The following NBAS variants were observed in gnomAD, a reference collection of about 807,000 sequenced individuals.
NBAS encodes the protein NBAS subunit of NRZ tethering complex.
NBAS carries 219 observed loss-of-function variants against 302.5 expected under a neutral mutation model. The observed-to-expected ratio is 0.72, with a 90% confidence interval of 0.65 to 0.81. The LOEUF (loss-of-function observed/expected upper bound fraction) is 0.81, where lower values mean the gene tolerates loss of function less well. Among genes scored for constraint, NBAS ranks in the 30% least tolerant of loss-of-function variants. The pLI, the probability that NBAS is intolerant of heterozygous loss-of-function variation, is 0.00. For missense variants in NBAS, 2,932 were observed against 2,841.6 expected, an observed-to-expected ratio of 1.03 and a Z score of -0.72; for synonymous variants, 1,118 against 1,021.6, an observed-to-expected ratio of 1.09 and a Z score of -1.80.
chr2:14,778,916 A>G, the NBAS span, among the ~76,000 whole-genome samples: 2 of 152,212 alleles, frequency 1.3e-5, no homozygotes, highest in Non-Finnish European at 2.9e-5. Context: ...TAATTTGTAC[A>G]GTGCTTTTTA....
the NBAS span, among the ~76,000 whole-genome samples, chr2:14,940,578 T>A: frequency 1.3e-5 from 2 of 152,206 alleles, no homozygotes; most frequent in Non-Finnish European, 2.9e-5. Flanking sequence ...CACAGCAGAA[T>A]CGTAAACTCT....
intron 9 of NBAS, among the ~76,000 whole-genome samples, chr2:15,519,032 ATTACTC>A (rs968360552): frequency 6.6e-6 from 1 of 152,192 alleles, no homozygotes; most frequent in African/African-American, 2.4e-5. Flanking sequence ...GCCAAGCCAT[ATTACTC>A]TTCAACCTCA....
At chr2:15,406,133 A>AG (rs1177237827) in intron 25 of NBAS, among the ~76,000 whole-genome samples, 1 of 149,882 alleles carries the variant, frequency 6.7e-6, no homozygotes, top group Non-Finnish European at 1.5e-5. Context: ...AAAAAACATG[A>AG]GGAAAAAAAC....
At chr2:14,820,513 C>A in the NBAS span, among the ~76,000 whole-genome samples, 1 of 152,040 alleles carries the variant, frequency 6.6e-6, no homozygotes, top group African/African-American at 2.4e-5. Context: ...TAACCAGAGG[C>A]TGGAAAGTGT....
the NBAS span, among the ~76,000 whole-genome samples, chr2:15,052,729 A>G: frequency 2.0e-5 from 3 of 152,248 alleles, no homozygotes; most frequent in African/African-American, 7.2e-5. Context: ...TTTTGCTCTG[A>G]TAAGTTGCAT....
At chr2:14,810,477 C>T in the NBAS span, among the ~76,000 whole-genome samples, 1 of 152,196 alleles carries the variant, frequency 6.6e-6, no homozygotes, top group African/African-American at 2.4e-5. Context: ...ATTTGCTCTT[C>T]CTTGCCTTCC....
the NBAS span, among the ~76,000 whole-genome samples, chr2:15,096,642 C>G: frequency 6.6e-6 from 1 of 152,146 alleles, no homozygotes; most frequent in Non-Finnish European, 1.5e-5. Flanking sequence ...CACCCACAGA[C>G]AGGGAGGTGC....
intron 28 of NBAS, among the ~76,000 whole-genome samples, chr2:15,392,980 C>A (rs148713009): frequency 5.3e-5 from 8 of 151,936 alleles, no homozygotes; most frequent in Non-Finnish European, 1.0e-4. Flanking sequence ...CAACAGATTT[C>A]AAGAAAACTG....
chr2:14,828,181 A>G, the NBAS span, among the ~76,000 whole-genome samples: 1 of 152,142 alleles, frequency 6.6e-6, no homozygotes, highest in Non-Finnish European at 1.5e-5. Context: ...ACCTTCTAGA[A>G]AAAAAATAGA....
the NBAS span, among the ~76,000 whole-genome samples, chr2:14,806,004 AC>A: frequency 6.6e-6 from 1 of 152,150 alleles, no homozygotes; most frequent in South Asian, 2.1e-4. Context: ...TGTCTTATAC[AC>A]CCTCCACTTC....
the NBAS span, among the ~76,000 whole-genome samples, chr2:14,984,733 C>T: frequency 1.3e-5 from 2 of 152,120 alleles, no homozygotes; most frequent in Admixed American, 6.5e-5. Flanking sequence ...AGAGTTAATT[C>T]GAGTTGGTCA....
intron 9 of NBAS, among the ~76,000 whole-genome samples, chr2:15,515,865 G>C (rs545506406): frequency 6.6e-6 from 1 of 152,288 alleles, no homozygotes; most frequent in African/African-American, 2.4e-5. Flanking sequence ...GCTGTGAATT[G>C]AAAGTCCACA....
At chr2:15,419,037 C>A (rs1250139963) in intron 23 of NBAS, among the ~76,000 whole-genome samples, 6 of 152,138 alleles carry the variant, frequency 3.9e-5, no homozygotes, top group Non-Finnish European at 8.8e-5. Flanking sequence ...TTACAGTTAC[C>A]AGTATTAGAG....
At chr2:14,929,644 C>T in the NBAS span, among the ~76,000 whole-genome samples, 2 of 152,176 alleles carry the variant, frequency 1.3e-5, no homozygotes, top group Non-Finnish European at 1.5e-5. Context: ...TCCCAAAGTG[C>T]TGGGATTACA....
chr2:15,330,457 G>T, intron 36 of NBAS, 141 bp downstream of exon 36: 2 of 1,065,352 alleles, frequency 1.9e-6, no homozygotes, highest in Non-Finnish European at 2.8e-6. Context: ...CTCCCTATCT[G>T]ATGAGAGGCC....
At chr2:15,336,120 T>C (rs999941661) in intron 35 of NBAS, among the ~76,000 whole-genome samples, 2 of 151,894 alleles carry the variant, frequency 1.3e-5, no homozygotes, top group African/African-American at 2.4e-5. Flanking sequence ...AATCTTTGCC[T>C]GTTCCAAGAT....
In NBAS at chr2:15,178,924, C is replaced by T. The variant is rs139430104; in HGVS notation, c.6840+64G>A. 5.0e-6 allele frequency: 8 copies of T among 1,601,446 alleles called. No homozygotes were observed. In the Admixed American group the frequency reaches 5.1e-5, roughly 10 times the overall value. On this transcript the variant is annotated intron_variant, in intron 51 of 51. Transcript: ENST00000281513. ...GGTGTTATTTATGAGAATGAAAGTG[C>T]TAATTCATTCCTTTGAAACATTAAA...
intron 47 of NBAS, among the ~76,000 whole-genome samples, chr2:15,223,480 G>T (rs571323372): frequency 3.4e-4 from 51 of 152,226 alleles, no homozygotes; most frequent in African/African-American, 1.2e-3. Flanking sequence ...AAAGCAAGGA[G>T]AGGACTTAAT....
chr2:15,153,157 G>T, the NBAS span, among the ~76,000 whole-genome samples: 2 of 152,320 alleles, frequency 1.3e-5, no homozygotes, highest in African/African-American at 2.4e-5. Flanking sequence ...ATCCCAGTTA[G>T]CTTGATGTCA....
Sources: allele counts gnomAD v4.1 joint callset (sites outside exome capture counted in the v4.1 genomes callset), GRCh38; gene constraint gnomAD v4.1.1; transcripts MANE v1.5; gene names NCBI Gene and HGNC (gene_info 2026-07-23, HGNC 2026-07-21).